Variants in PTPRK observed in about 807,000 individuals in gnomAD.
PTPRK encodes the protein protein tyrosine phosphatase receptor type K.
A neutral mutation model predicts 178.0 loss-of-function variants in PTPRK; 75 were observed. The observed-to-expected ratio is 0.42, with a 90% CI of 0.35 to 0.51. The LOEUF is 0.51. PTPRK is among the 20% of genes least tolerant of loss of function. The probability of loss-of-function intolerance (pLI) is 0.02; values close to 1 mark genes in which losing one functional copy is unlikely to be tolerated. For synonymous variants in PTPRK, 637 were observed against 620.6 expected (o/e 1.03, Z -0.39); for missense variants, 1,441 against 1,797.8 (o/e 0.80, Z 3.59).
chr6:128,295,493 A>T (rs762160415), intron 3 of PTPRK, among the ~76,000 whole-genome samples: 5 of 152,144 alleles, frequency 3.3e-5, no homozygotes, highest in Non-Finnish European at 7.4e-5. Context: ...AAAAGCAATG[A>T]TCTACTAACA....
intron 3 of PTPRK, among the ~76,000 whole-genome samples, chr6:128,310,535 A>G (rs975159649): frequency 6.6e-6 from 1 of 152,202 alleles, no homozygotes; most frequent in Non-Finnish European, 1.5e-5. Flanking sequence ...CCATAGCTAA[A>G]TAACTCAACT....
chr6:128,246,645 C>T (rs978475293), intron 3 of PTPRK, among the ~76,000 whole-genome samples: 1 of 152,210 alleles, frequency 6.6e-6, no homozygotes, highest in Non-Finnish European at 1.5e-5. Flanking sequence ...AGCTTAATTA[C>T]GCAAAGCGTG....
At chr6:128,276,559 A>C (rs1202890402) in intron 3 of PTPRK, among the ~76,000 whole-genome samples, 1 of 152,182 alleles carries the variant, frequency 6.6e-6, no homozygotes, top group African/African-American at 2.4e-5. Flanking sequence ...ATTTCTTATT[A>C]GAGAGCCATA....
chr6:128,058,362 G>A, intron 13 of PTPRK, among the ~76,000 whole-genome samples: 1 of 152,066 alleles, frequency 6.6e-6, no homozygotes, highest in Non-Finnish European at 1.5e-5. Context: ...TTTTGGTATA[G>A]GTGTAGTGGA....
chr6:128,111,428 T>TA (rs1790640335), intron 7 of PTPRK, among the ~76,000 whole-genome samples: 1 of 152,094 alleles, frequency 6.6e-6, no homozygotes, highest in South Asian at 2.1e-4. Flanking sequence ...TTAGAGGAAA[T>TA]AAAGAATAAG....
intron 1 of PTPRK, among the ~76,000 whole-genome samples, chr6:128,476,888 A>G (rs1181881317): frequency 1.1e-5 from 1 of 94,608 alleles, no homozygotes; most frequent in Non-Finnish European, 2.5e-5. Flanking sequence ...CTGCTTTTCT[A>G]AAAAAAAAAA....
chr6:128,196,873 A>G (rs1038233898), intron 6 of PTPRK, among the ~76,000 whole-genome samples: 3 of 152,176 alleles, frequency 2.0e-5, no homozygotes, highest in Non-Finnish European at 4.4e-5. Context: ...CAGCCAGGTC[A>G]GCTGAAAATT....
At chr6:128,302,353 C>T (rs1825754045) in intron 3 of PTPRK, among the ~76,000 whole-genome samples, 1 of 137,944 alleles carries the variant, frequency 7.2e-6, no homozygotes, top group South Asian at 2.3e-4. Context: ...GATCGCACCA[C>T]TGCACTCCAG....
Position 127,973,842 on chromosome 6 carries a change from GT to G in PTPRK, c.3970-16del, listed in dbSNP as rs34058366. 6.2e-7 allele frequency: 1 copy of G among 1,603,136 alleles called. No individual in the cohort carries two copies. Among genetic ancestry groups the G allele is most frequent in the Non-Finnish European group, 8.5e-7 (1 of 1,172,782 alleles). ...CCTTCCTGTGGCTGTAGAGGGAAGTGTTTTTATGTAAATACGCTGGGACTAC... is the reference window on the plus strand; with the variant it reads ...CCTTCCTGTGGCTGTAGAGGGAAGTGTTTTATGTAAATACGCTGGGACTAC... On this transcript the variant is annotated splice_polypyrimidine_tract_variant and intron_variant, in intron 27 of 29. Coordinates refer to ENST00000368226, the MANE Select transcript of PTPRK (RefSeq NM_002844.4).
intron 13 of PTPRK, among the ~76,000 whole-genome samples, chr6:128,017,800 GTGTATATATATATATATA>G (rs1779765758): frequency 3.3e-5 from 1 of 30,060 alleles, no homozygotes; most frequent in African/African-American, 1.1e-4. Context: ...AAATATATAT[GTGTATATATATATATATA>G]TATATATATA....
chr6:128,217,693 C>T (rs750331258), intron 6 of PTPRK, among the ~76,000 whole-genome samples: 6 of 152,054 alleles, frequency 3.9e-5, no homozygotes, highest in Admixed American at 6.6e-5. Context: ...CCGTAGGCCT[C>T]GGCATGTGCT....
At chr6:128,323,830 TC>T (rs1022331971) in intron 2 of PTPRK, among the ~76,000 whole-genome samples, 1 of 152,068 alleles carries the variant, frequency 6.6e-6, no homozygotes, top group Non-Finnish European at 1.5e-5. Flanking sequence ...AAGCTAGGAT[TC>T]TTTTTTTTTT....
intron 7 of PTPRK, among the ~76,000 whole-genome samples, chr6:128,159,467 A>C (rs766517377): frequency 1.3e-5 from 2 of 151,868 alleles, no homozygotes; most frequent in Non-Finnish European, 2.9e-5. Flanking sequence ...TCTGCATAAC[A>C]TGATAAAGCT....
chr6:128,516,104 A>G (rs1857969444), intron 1 of PTPRK, among the ~76,000 whole-genome samples: 1 of 152,212 alleles, frequency 6.6e-6, no homozygotes, highest in South Asian at 2.1e-4. Flanking sequence ...GTACAGCACT[A>G]AAATATATTT....
intron 11 of PTPRK, among the ~76,000 whole-genome samples, chr6:128,071,201 C>T (rs528494042): frequency 7.9e-5 from 12 of 151,616 alleles, no homozygotes; most frequent in Non-Finnish European, 1.3e-4. Flanking sequence ...CTTTAGAATG[C>T]TTTCTGCCCC....
chr6:128,340,781 A>G (rs1376534065), intron 2 of PTPRK: 3 of 487,618 alleles, frequency 6.2e-6, no homozygotes, highest in Non-Finnish European at 1.2e-5. Flanking sequence ...TTTACATTTC[A>G]CTTTTAGGTT....
At chr6:128,477,666 A>G (rs1454949173) in intron 1 of PTPRK, among the ~76,000 whole-genome samples, 1 of 152,186 alleles carries the variant, frequency 6.6e-6, no homozygotes, top group African/African-American at 2.4e-5. Flanking sequence ...CAAAGAAAAG[A>G]CTACTTATTT....
At chr6:128,495,757 T>C (rs567385074) in intron 1 of PTPRK, among the ~76,000 whole-genome samples, 1 of 152,308 alleles carries the variant, frequency 6.6e-6, no homozygotes, top group African/African-American at 2.4e-5. Flanking sequence ...TCGTTAGTTA[T>C]AAGGTCCTGC....
In PTPRK at chr6:128,390,150, G is replaced by A. The variant is rs560101454; in HGVS notation, c.223+7416C>T. Among the ~76,000 whole-genome samples the A allele has an allele frequency of 7.2e-5, 11 of 152,216 alleles. No homozygotes were observed. In the East Asian group the frequency reaches 1.9e-3, roughly 27 times the overall value. Reference sequence around the variant, plus strand: ...AATTCTCATCCTAAAATACCTCACTGCAAACAAAGACTTAAAATTATTTTC... The same window carrying A: ...AATTCTCATCCTAAAATACCTCACTACAAACAAAGACTTAAAATTATTTTC... On this transcript the variant is annotated intron_variant, in intron 2 of 29. Coordinates refer to ENST00000368226, the MANE Select transcript of PTPRK (RefSeq NM_002844.4).
Sources: allele counts gnomAD v4.1 joint callset (sites outside exome capture counted in the v4.1 genomes callset), GRCh38; gene constraint gnomAD v4.1.1; transcripts MANE v1.5; gene names NCBI Gene and HGNC (gene_info 2026-07-23, HGNC 2026-07-21).